Variants in MARCHF7 observed in about 807,000 individuals in gnomAD.
MARCHF7 encodes the protein membrane associated ring-CH-type finger 7.
MARCHF7 carries 20 observed loss-of-function variants against 76.5 expected under a neutral mutation model. The observed-to-expected ratio is 0.26, with a 90% CI of 0.18 to 0.38. The LOEUF is 0.38. MARCHF7 is among the 10% of genes least tolerant of loss of function. The pLI is 1.00. For missense variants in MARCHF7, 797 were observed against 812.9 expected (o/e 0.98, Z 0.24); for synonymous variants, 295 against 293.0 (o/e 1.01, Z -0.07).
Position 159,733,204 on chromosome 2 carries a change from C to T in MARCHF7, c.153+4029C>T, listed in dbSNP as rs561287886. On this transcript the variant is annotated intron_variant, in intron 4 of 11. Coordinates refer to ENST00000409175, the MANE Select transcript of MARCHF7 (RefSeq NM_001282805.2). Reference sequence around the variant, plus strand: ...ATATAGTATGTTTAGTTTTATTTAGCATTGTTAAGATTACTCAGTGTCAAA... The same window carrying T: ...ATATAGTATGTTTAGTTTTATTTAGTATTGTTAAGATTACTCAGTGTCAAA... 743 of 855,318 alleles carry T rather than the reference C, an allele frequency of 8.7e-4. 2 individuals carry two copies. The South Asian group carries it at 0.013, about 15-fold the overall frequency. The allele number at this position is 855,318 out of a possible 1,614,324, so 53.0% of individuals were successfully genotyped here.
intron 7 of MARCHF7, 91 bp downstream of exon 7, chr2:159,748,994 T>TTC: frequency 7.6e-7 from 1 of 1,307,736 alleles, no homozygotes; most frequent in Non-Finnish European, 1.0e-6. Flanking sequence ...TTTTTTTTTT[T>TTC]TTGAGACGGA....
intron 8 of MARCHF7, among the ~76,000 whole-genome samples, chr2:159,754,948 G>T (rs1407099141): frequency 6.6e-6 from 1 of 152,190 alleles, no homozygotes; most frequent in African/African-American, 2.4e-5. Context: ...CTATAAAAGT[G>T]ATTTTAAAGT....
At chr2:159,741,238 A>G (rs1249521901) in intron 4 of MARCHF7, among the ~76,000 whole-genome samples, 1 of 152,020 alleles carries the variant, frequency 6.6e-6, no homozygotes, top group Non-Finnish European at 1.5e-5. Flanking sequence ...CCATGATGAT[A>G]TGTGCCTGTG....
rs775855959 is a variant in MARCHF7 at position 159,767,346 on chromosome 2, C to T, written c.*4C>T. On this transcript the variant is annotated 3_prime_UTR_variant, in exon 12 of 12. Transcript: ENST00000409175. The stretch of plus-strand genomic sequence containing the variant: ...CAGGACATTTGATATTGCCTAACTT[C>T]ATATAAGACAGATGGATGATCTGTG... 8 of 1,599,916 alleles carry T rather than the reference C, an allele frequency of 5.0e-6. No individual in the cohort carries two copies. Among genetic ancestry groups the T allele is most frequent in the South Asian group, 4.4e-5 (4 of 90,678 alleles).
chr2:159,762,899 G>C lies in MARCHF7; in HGVS notation c.1913G>C (p.Ser638Thr), dbSNP rs771891435. 13 of 1,611,072 alleles carry C rather than the reference G, an allele frequency of 8.1e-6. No individual in the cohort carries two copies. The highest frequency in any genetic ancestry group is 1.7e-4 in the Middle Eastern group (1 of 6,054). Residue 638 changes from serine (S) to threonine (T), a missense_variant, in exon 10 of 12, where the codon AGC (serine) becomes ACC (threonine). By Grantham distance (58) the Ser-to-Thr change is moderately conservative (BLOSUM62 1). This residue lies in a region of MARCHF7 where 124 missense variants were observed against 121.3 expected (regional missense o/e 1.02). Transcript: ENST00000409175. ...TTGAAGGCTGAGTATGAGTTTATCA[G>C]CTCTGGTCTCTACCTAGTGGTGTTA... Reference protein sequence around the residue: ...ANEQAEYEFISSGLYLVVLLH... With the variant: ...ANEQAEYEFITSGLYLVVLLH...
In MARCHF7 at chr2:159,745,890, A is replaced by G. The variant is rs745518928; in HGVS notation, c.467A>G (p.Asn156Ser). Residue 156 changes from asparagine to serine, a missense_variant, in exon 6 of 12, where the codon AAT becomes AGT. Transcript: ENST00000409175. ...LERRTDSSISNLMDYSHRSGD... is the reference protein window; with the variant it reads ...LERRTDSSISSLMDYSHRSGD... ...AGAAGAACAGATTCCTCTATTAGTA[A>G]TCTTATGGATTATAGTCACCGAAGT... 9 of 1,612,926 alleles carry G rather than the reference A, an allele frequency of 5.6e-6. No individual in the cohort carries two copies. The South Asian group carries it at 8.8e-5, about 16-fold the overall frequency.
chr2:159,715,505 TCTGA>T (rs1052164157), intron 2 of MARCHF7, among the ~76,000 whole-genome samples, 172 bp from the exon 3 acceptor site: 19 of 152,088 alleles, frequency 1.2e-4, no homozygotes, highest in Middle Eastern at 6.8e-3. Flanking sequence ...CGCCACCATG[TCTGA>T]CTAATTTTTA....
intron 3 of MARCHF7, among the ~76,000 whole-genome samples, chr2:159,722,128 A>T (rs1400821763): frequency 6.6e-6 from 1 of 151,930 alleles, no homozygotes; most frequent in Non-Finnish European, 1.5e-5. Context: ...TCTTGCTTAT[A>T]CCTTTTTCTT....
intron 8 of MARCHF7, among the ~76,000 whole-genome samples, chr2:159,754,316 T>C (rs561852094): frequency 6.6e-6 from 1 of 152,100 alleles, no homozygotes; most frequent in East Asian, 1.9e-4. Flanking sequence ...AGAAGAATGC[T>C]TTAAGGTATA....
chr2:159,717,833 GC>G (rs1364568927), intron 3 of MARCHF7, among the ~76,000 whole-genome samples: 1 of 151,826 alleles, frequency 6.6e-6, no homozygotes, highest in African/African-American at 2.4e-5. Flanking sequence ...AATAAAAATG[GC>G]TATTTCTTTC....
chr2:159,753,398 C>A (rs1426509524), intron 8 of MARCHF7, among the ~76,000 whole-genome samples: 1 of 151,840 alleles, frequency 6.6e-6, no homozygotes, highest in Non-Finnish European at 1.5e-5. Flanking sequence ...GGTGAAACCC[C>A]ATCTCTACTA....
chr2:159,759,460 C>T (rs890002346), intron 9 of MARCHF7, 125 bp downstream of exon 9: 2 of 443,616 alleles, frequency 4.5e-6, no homozygotes, highest in African/African-American at 2.0e-5. Flanking sequence ...TGATAATGTT[C>T]TTAACATAAT....
intron 9 of MARCHF7, among the ~76,000 whole-genome samples, chr2:159,759,808 CTT>C (rs1706800063): frequency 6.6e-6 from 1 of 152,102 alleles, no homozygotes; most frequent in Non-Finnish European, 1.5e-5. Context: ...TTGAAAAACA[CTT>C]TTTGGCCAGG....
rs1560030979 is a variant in MARCHF7, at chr2:159,764,260, G to GCT, written c.2008-365_2008-364insTC. On this transcript the variant is annotated intron_variant, in intron 10 of 11. Transcript: ENST00000409175. ...TGTGTGTGTGTGTGTGTGTGTGCGCGCGCCCACTGAAACTGAATTTATTTG... is the reference window on the plus strand; with the variant it reads ...TGTGTGTGTGTGTGTGTGTGTGCGCGCTCGCCCACTGAAACTGAATTTATTTG... Among the ~76,000 whole-genome samples the GCT allele has an allele frequency of 4.3e-4, 64 of 147,512 alleles. 1 individual carries two copies. Among genetic ancestry groups the GCT allele is most frequent in the Non-Finnish European group, 1.5e-4 (10 of 66,848 alleles).
intron 1 of MARCHF7, among the ~76,000 whole-genome samples, chr2:159,713,227 A>T (rs1026320199): frequency 3.3e-5 from 5 of 152,198 alleles, no homozygotes; most frequent in African/African-American, 1.2e-4. Flanking sequence ...GAAGTAGGTG[A>T]TTGTATTAAA....
chr2:159,749,457 C>T (rs988083985), intron 7 of MARCHF7, among the ~76,000 whole-genome samples: 3 of 152,048 alleles, frequency 2.0e-5, no homozygotes, highest in African/African-American at 7.2e-5. Context: ...AAGCAATTCT[C>T]CTGCCTCAGC....
intron 7 of MARCHF7, among the ~76,000 whole-genome samples, chr2:159,751,310 T>A (rs925433891): frequency 6.6e-6 from 1 of 152,122 alleles, no homozygotes; most frequent in African/African-American, 2.4e-5. Context: ...CCAGAGAGAG[T>A]GTGTGTGTAT....
intron 11 of MARCHF7, 132 bp downstream of exon 11, chr2:159,764,806 G>T (rs1707564216): frequency 4.1e-6 from 2 of 485,850 alleles, no homozygotes; most frequent in South Asian, 1.3e-4. Context: ...CAAAATGATT[G>T]ATTTGGGAAA....
At position 159,770,435 on chromosome 2, in the gene MARCHF7, C is replaced by A. The variant is rs747278648; in HGVS notation, c.*3093C>A. 6.6e-6 allele frequency: 1 copy of A among 151,908 alleles called. No individual in the cohort carries two copies. The highest frequency in any genetic ancestry group is 2.4e-5 in the African/African-American group (1 of 41,318). 9.4% of individuals were successfully genotyped at this position (151,908 alleles called of 1,614,324 possible). A position where few individuals can be genotyped will look rare whatever the true frequency, so the allele number is the denominator to read the frequency against. On this transcript the variant is annotated 3_prime_UTR_variant, in exon 12 of 12. Transcript: ENST00000409175. ...TGCCATTAATTGTGATGAGTGTTTT[C>A]GATTCATGTGGTCAATAAAAAGAGA...
Sources: gnomAD v4.1 joint callset for allele counts (sites outside exome capture counted in the v4.1 genomes callset) on GRCh38, gnomAD v4.1.1 for gene constraint, gnomAD v4.1.1 regional missense constraint, MANE v1.5 for transcripts, NCBI Gene and HGNC (gene_info 2026-07-23, HGNC 2026-07-21) for gene names.